FHIT: variants seen among roughly 807,000 people sequenced by gnomAD.
FHIT encodes bis(5'-adenosyl)-triphosphatase.
In FHIT, 19 loss-of-function variants were observed where a neutral mutation model predicts 17.9. The observed-to-expected ratio is 1.06, with a 90% CI of 0.74 to 1.56. The LOEUF is 1.56. Among genes scored for constraint, FHIT ranks in the 40% most tolerant of loss-of-function variants. The pLI, the probability that FHIT is intolerant of heterozygous loss-of-function variation, is 0.00. For synonymous variants in FHIT, 81 were observed against 69.7 expected, an observed-to-expected ratio of 1.16 and a Z score of -0.81; for missense variants, 248 against 189.2, an observed-to-expected ratio of 1.31 and a Z score of -1.82.
rs894838703 is a variant in FHIT, at chr3:59,920,992, G to C, written c.348+1354C>G. On this transcript the variant is annotated intron_variant, in intron 8 of 9. Transcript: ENST00000492590. ...GAGTGCTGTGCAATCTACTTGATCA[G>C]AATCTCCAGCGACGGGACCTCCTGG... 2.0e-5 allele frequency among the ~76,000 whole-genome samples: 3 copies of C among 152,162 alleles called. No homozygotes were observed. The South Asian group carries it at 6.2e-4, about 32-fold the overall frequency.
At chr3:60,025,865 C>A (rs747850390) in intron 5 of FHIT, among the ~76,000 whole-genome samples, 13 of 152,132 alleles carry the variant, frequency 8.5e-5, no homozygotes, top group Non-Finnish European at 1.6e-4. Context: ...AATCAGGCAG[C>A]CTCTAAAAAC....
At chr3:60,837,486 A>G (rs1222091042) in intron 3 of FHIT, among the ~76,000 whole-genome samples, 1 of 152,090 alleles carries the variant, frequency 6.6e-6, no homozygotes, top group African/African-American at 2.4e-5. Context: ...ACTTTCGTCT[A>G]TTGTTATATT....
intron 5 of FHIT, among the ~76,000 whole-genome samples, chr3:60,269,338 T>C (rs1022235344): frequency 7.2e-5 from 11 of 152,238 alleles, no homozygotes; most frequent in African/African-American, 2.7e-4. Flanking sequence ...TGTCCATTCA[T>C]TTGAAATCTA....
intron 3 of FHIT, among the ~76,000 whole-genome samples, chr3:60,832,916 A>G (rs1243931943): frequency 6.6e-6 from 1 of 152,212 alleles, no homozygotes; most frequent in African/African-American, 2.4e-5. Flanking sequence ...CTCAAATCAG[A>G]CTAACCTGAT....
intron 5 of FHIT, among the ~76,000 whole-genome samples, chr3:60,384,837 A>T (rs1472883658): frequency 6.9e-5 from 3 of 43,306 alleles, no homozygotes; most frequent in African/African-American, 4.6e-4. Flanking sequence ...TCACATTAGT[A>T]AAAAAAAAAA....
intron 5 of FHIT, among the ~76,000 whole-genome samples, chr3:60,364,565 C>T (rs1298152351): frequency 2.0e-5 from 3 of 152,050 alleles, no homozygotes; most frequent in East Asian, 1.9e-4. Context: ...TCTGTTCTAC[C>T]CAGGAAATTA....
intron 8 of FHIT, among the ~76,000 whole-genome samples, chr3:59,817,867 C>T (rs1188255780): frequency 6.6e-6 from 1 of 152,072 alleles, no homozygotes; most frequent in East Asian, 1.9e-4. Flanking sequence ...GATCCACTAG[C>T]TGTTTTCCTT....
intron 8 of FHIT, among the ~76,000 whole-genome samples, chr3:59,918,255 A>C (rs1169540597): frequency 2.6e-5 from 4 of 152,150 alleles, no homozygotes; most frequent in Non-Finnish European, 4.4e-5. Flanking sequence ...TCAAATATTC[A>C]CTGAAGGTCC....
At chr3:60,258,979 C>G (rs530899191) in intron 5 of FHIT, among the ~76,000 whole-genome samples, 51 of 150,324 alleles carry the variant, frequency 3.4e-4, no homozygotes, top group Admixed American at 3.3e-3. Context: ...TAAAAGAGAT[C>G]TTCCTGCTTC....
chr3:60,982,631 A>C (rs1710543655), intron 3 of FHIT, among the ~76,000 whole-genome samples: 1 of 152,074 alleles, frequency 6.6e-6, no homozygotes, highest in Non-Finnish European at 1.5e-5. Flanking sequence ...AACAGATCTC[A>C]ATGGGGACTC....
intron 5 of FHIT, among the ~76,000 whole-genome samples, chr3:60,053,245 T>C (rs212037): frequency 0.048 from 7,242 of 151,604 alleles, 219 homozygotes; most frequent in South Asian, 0.091. Context: ...AAGTAGGCTA[T>C]CCCAATTATT....
chr3:61,051,179 T>C (rs1239265004), intron 2 of FHIT, among the ~76,000 whole-genome samples: 1 of 152,192 alleles, frequency 6.6e-6, no homozygotes, highest in East Asian at 1.9e-4. Flanking sequence ...AATAAAAATG[T>C]CTATGACAAT....
intron 1 of FHIT, among the ~76,000 whole-genome samples, chr3:61,223,898 C>A (rs114367615): frequency 3.5e-4 from 46 of 131,218 alleles, no homozygotes; most frequent in African/African-American, 1.3e-3. Flanking sequence ...GGGAAAAATT[C>A]TGCCCCTCTT....
chr3:61,219,359 G>A (rs4117970), intron 1 of FHIT, among the ~76,000 whole-genome samples: 36,509 of 150,780 alleles, frequency 0.24, 4,943 homozygotes, highest in East Asian at 0.49. Flanking sequence ...GTGTGTGTGT[G>A]TGTGTTTGTG....
At chr3:59,828,040 C>A (rs1159363520) in intron 8 of FHIT, among the ~76,000 whole-genome samples, 5 of 152,074 alleles carry the variant, frequency 3.3e-5, no homozygotes, top group African/African-American at 9.7e-5. Context: ...CCTTTTTGAT[C>A]TTTCCTAAAA....
chr3:60,924,775 G>C (rs1707491738), intron 3 of FHIT, among the ~76,000 whole-genome samples: 1 of 152,082 alleles, frequency 6.6e-6, no homozygotes, highest in African/African-American at 2.4e-5. Flanking sequence ...AAAGGAGGAA[G>C]TTTGAACCCA....
At chr3:60,170,742 T>C (rs1300185896) in intron 5 of FHIT, among the ~76,000 whole-genome samples, 1 of 152,208 alleles carries the variant, frequency 6.6e-6, no homozygotes, top group Admixed American at 6.5e-5. Flanking sequence ...CCCATATCTA[T>C]CTGACCCCAG....
intron 4 of FHIT, among the ~76,000 whole-genome samples, chr3:60,744,125 GCTA>G (rs2042294077): frequency 6.6e-6 from 1 of 151,760 alleles, no homozygotes; most frequent in South Asian, 2.1e-4. Flanking sequence ...GACCACAAAA[GCTA>G]CTATTTCAAT....
At chr3:60,453,834 C>T (rs4566489) in intron 5 of FHIT, among the ~76,000 whole-genome samples, 28,732 of 151,968 alleles carry the variant, frequency 0.19, 2,892 homozygotes, top group Admixed American at 0.29. Flanking sequence ...TCACAATAAG[C>T]TATATAAAGC....
Sources: allele counts gnomAD v4.1 joint callset (sites outside exome capture counted in the v4.1 genomes callset), GRCh38; gene constraint gnomAD v4.1.1; transcripts MANE v1.5; gene names NCBI Gene and HGNC (gene_info 2026-07-23, HGNC 2026-07-21).